The following SLC2A12 variants were observed in gnomAD, a reference collection of about 807,000 sequenced individuals.
The protein encoded by SLC2A12 is solute carrier family 2 member 12.
Under a neutral mutation model 41.8 loss-of-function variants are expected in SLC2A12, and 23 were observed. The ratio of observed to expected loss-of-function variants is 0.55; its 90% CI spans 0.40 to 0.78. SLC2A12 has a LOEUF of 0.78. SLC2A12 is among the 30% of genes least tolerant of loss of function. The pLI is 0.00. For synonymous variants in SLC2A12, 295 were observed against 285.9 expected (o/e 1.03, Z -0.32); for missense variants, 654 against 745.6 (o/e 0.88, Z 1.43).
intron 4 of SLC2A12, among the ~76,000 whole-genome samples, chr6:133,992,191 GTGA>G (rs1189282252): frequency 1.2e-4 from 19 of 152,256 alleles, no homozygotes; most frequent in African/African-American, 4.6e-4. Context: ...GCGTGTGTGC[GTGA>G]TGATAATCCC....
intron 2 of SLC2A12, among the ~76,000 whole-genome samples, chr6:134,017,819 A>G (rs1454995897): frequency 2.0e-5 from 3 of 150,824 alleles, no homozygotes. Flanking sequence ...GCGCCACTGC[A>G]CTCCATCCAG....
chr6:134,028,356 A>G lies in SLC2A12; in HGVS notation c.1444+25T>C, dbSNP rs370935644. On this transcript the variant is annotated intron_variant, in intron 2 of 4. Transcript: ENST00000275230. ...AGGATGCTCTGACTGGTCAAAAGCA[A>G]TACATTAAAGAATAAAGTACTTACT... is the stretch of plus-strand genomic sequence containing the variant. 33 of 1,571,328 alleles carry G rather than the reference A, an allele frequency of 2.1e-5. No individual in the cohort carries two copies. In the African/African-American group the frequency reaches 3.7e-4, roughly 17 times the overall value.
chr6:134,047,995 C>T (rs1001994311), intron 1 of SLC2A12, among the ~76,000 whole-genome samples: 1 of 152,214 alleles, frequency 6.6e-6, no homozygotes, highest in Non-Finnish European at 1.5e-5. Context: ...CTGGGTGACA[C>T]ATCCTTAGAG....
intron 1 of SLC2A12, among the ~76,000 whole-genome samples, chr6:134,044,318 G>A (rs531736750): frequency 3.9e-4 from 60 of 152,290 alleles, no homozygotes; most frequent in Admixed American, 9.2e-4. Context: ...TCCAGGGTCT[G>A]GCATCATATC....
chr6:134,018,032 G>T (rs148788862), intron 2 of SLC2A12, among the ~76,000 whole-genome samples: 31 of 152,050 alleles, frequency 2.0e-4, no homozygotes, highest in African/African-American at 7.0e-4. Flanking sequence ...GCCACAATCC[G>T]GTCTCTGTGG....
At chr6:134,011,199 C>T (rs1776877277) in intron 2 of SLC2A12, among the ~76,000 whole-genome samples, 1 of 152,178 alleles carries the variant, frequency 6.6e-6, no homozygotes, top group East Asian at 1.9e-4. Flanking sequence ...GTAAGCGGCA[C>T]ACCTACCTCT....
In SLC2A12 at chr6:133,990,996, G is replaced by A; in HGVS notation, c.*159C>T. ...TACCTTTTGAGGTTCCTTCTGGGGAGGAGGGGGATTAAAGGCTGTCTTTAT... is the reference window on the plus strand; with the variant it reads ...TACCTTTTGAGGTTCCTTCTGGGGAAGAGGGGGATTAAAGGCTGTCTTTAT... On this transcript the variant is annotated 3_prime_UTR_variant, in exon 5 of 5. Coordinates refer to ENST00000275230, the MANE Select transcript of SLC2A12 (RefSeq NM_145176.3). The A allele has an allele frequency of 2.6e-6, 2 of 777,198 alleles. No individual in the cohort carries two copies. The highest frequency in any genetic ancestry group is 5.2e-5 in the South Asian group (2 of 38,820). The allele number at this position is 777,198 out of a possible 1,614,324, so 48.1% of individuals were successfully genotyped here.
Position 133,991,328 on chromosome 6 carries a change from T to G in SLC2A12, c.1701-20A>C, listed in dbSNP as rs1776620871. 9 of 1,606,790 alleles carry G rather than the reference T, an allele frequency of 5.6e-6. No homozygotes were observed. Among genetic ancestry groups the G allele is most frequent in the Non-Finnish European group, 7.6e-6 (9 of 1,177,728 alleles). On this transcript the variant is annotated intron_variant, in intron 4 of 4. Transcript: ENST00000275230. ...TAGTTCCTGAAAGAGAAAGAGGCAC[T>G]AATGAAAATGTCATTCTTAGTTTAC... is the stretch of plus-strand genomic sequence containing the variant.
At chr6:133,991,331 T>C in intron 4 of SLC2A12, 23 bp from the exon 5 acceptor site, 1 of 1,606,136 alleles carries the variant, frequency 6.2e-7, no homozygotes, top group East Asian at 2.2e-5. Context: ...GAGGCACTAA[T>C]GAAAATGTCA....
In SLC2A12 at chr6:134,029,306, C is replaced by A. The variant is rs1392432416; in HGVS notation, c.519G>T (p.Leu173=). The change falls in exon 2 of 5, where the codon CTG becomes CTT. Residue 173 remains leucine, a synonymous_variant. Coordinates refer to ENST00000275230, the MANE Select transcript of SLC2A12 (RefSeq NM_145176.3). ...RRGLLVSLNE[L]MIVIGILSAY... ...CAGAAAGAATGCCGATGACAATCAT[C>A]AGCTCATTCAGTGACACAAGAAGGC... The A allele has an allele frequency of 6.2e-7, 1 of 1,614,224 alleles. No homozygotes were observed. Among genetic ancestry groups the A allele is most frequent in the Admixed American group, 1.7e-5 (1 of 60,020 alleles).
chr6:134,042,100 AC>A (rs1457414762), intron 1 of SLC2A12, among the ~76,000 whole-genome samples: 1 of 152,244 alleles, frequency 6.6e-6, no homozygotes, highest in Admixed American at 6.5e-5. Flanking sequence ...GCTAGTGAGT[AC>A]ATAGCAACTT....
chr6:134,042,551 A>G (rs528637551), intron 1 of SLC2A12, among the ~76,000 whole-genome samples: 1 of 152,122 alleles, frequency 6.6e-6, no homozygotes, highest in East Asian at 1.9e-4. Context: ...GAAATAGAAA[A>G]AAAAAAAAAG....
chr6:134,029,017 G>A lies in SLC2A12; in HGVS notation c.808C>T (p.Arg270Cys), dbSNP rs779184200. The A allele has an allele frequency of 2.5e-5, 40 of 1,614,050 alleles. No homozygotes were observed. Among genetic ancestry groups the A allele is most frequent in the Middle Eastern group, 1.6e-4 (1 of 6,084 alleles). Residue 270 changes from arginine to cysteine, a missense_variant, in exon 2 of 5, where the codon CGT (arginine) becomes TGT (cysteine). Coordinates refer to ENST00000275230, the MANE Select transcript of SLC2A12 (RefSeq NM_145176.3). Reference sequence around the variant, plus strand: ...CGGGTCCGCATGTTGTCTTTTGAACGAAACAGATCCCAAAAACTGTACTGA... The same window carrying A: ...CGGGTCCGCATGTTGTCTTTTGAACAAAACAGATCCCAAAAACTGTACTGA... ...EYQYSFWDLF[R>C]SKDNMRTRIM...
At position 134,028,982 on chromosome 6, in the gene SLC2A12, T is replaced by C; in HGVS notation, c.843A>G (p.Ile281Met). 3 of 1,614,250 alleles carry C rather than the reference T, an allele frequency of 1.9e-6. No individual in the cohort carries two copies. Among genetic ancestry groups the C allele is most frequent in the Non-Finnish European group, 2.5e-6 (3 of 1,180,042 alleles). The change falls in exon 2 of 5, where the codon ATA (isoleucine) becomes ATG (methionine). Residue 281 changes from isoleucine to methionine, a missense_variant. Coordinates refer to ENST00000275230, the MANE Select transcript of SLC2A12 (RefSeq NM_145176.3). ...GTACAAAAAATACTAGTGTTAGTCC[T>C]ATCATTATTCGGGTCCGCATGTTGT... ...SKDNMRTRIM[I>M]GLTLVFFVQI...
At chr6:134,037,496 A>T (rs971713807) in intron 1 of SLC2A12, among the ~76,000 whole-genome samples, 1 of 151,952 alleles carries the variant, frequency 6.6e-6, no homozygotes, top group African/African-American at 2.4e-5. Context: ...CTGGGACTAT[A>T]GGCGTGCACC....
chr6:133,997,083 T>TA (rs1776704822), intron 4 of SLC2A12, among the ~76,000 whole-genome samples: 1 of 12,914 alleles, frequency 7.7e-5, no homozygotes, highest in Non-Finnish European at 1.5e-4. Context: ...CTACTAAAAA[T>TA]ACAAAAAAAA....
chr6:134,019,447 A>C (rs1777011986), intron 2 of SLC2A12, among the ~76,000 whole-genome samples: 1 of 152,262 alleles, frequency 6.6e-6, no homozygotes, highest in Non-Finnish European at 1.5e-5. Context: ...TGTTAGAAAA[A>C]TTCTGTTATT....
At position 133,987,646 on chromosome 6, in the gene SLC2A12, G is replaced by GTATATATATATATATA. The variant is rs1165164380; in HGVS notation, c.*3508_*3509insTATATATATATATATA. 16 of 133,204 alleles carry GTATATATATATATATA rather than the reference G, an allele frequency of 1.2e-4. No individual in the cohort carries two copies. Among genetic ancestry groups the GTATATATATATATATA allele is most frequent in the African/African-American group, 4.4e-4 (16 of 36,106 alleles). 8.3% of individuals were successfully genotyped at this position (133,204 alleles called of 1,614,324 possible). A position where few individuals can be genotyped will look rare whatever the true frequency, so the allele number is the denominator to read the frequency against. On this transcript the variant is annotated 3_prime_UTR_variant, in exon 5 of 5. Coordinates refer to ENST00000275230, the MANE Select transcript of SLC2A12 (RefSeq NM_145176.3). ...ATTTTGTGTGTGTGTGTGTGTGTGT[G>GTATATATATATATATA]TGTATATATATATATATATATGCAC...
At chr6:134,049,682 TTTGAGTCATAGCTTA>T (rs1453139534) in intron 1 of SLC2A12, among the ~76,000 whole-genome samples, 5 of 152,202 alleles carry the variant, frequency 3.3e-5, no homozygotes, top group African/African-American at 1.2e-4. Flanking sequence ...ATGTAACCAC[TTTGAGTCATAGCTTA>T]TTGAAAATGA....
Sources: allele counts gnomAD v4.1 joint callset (sites outside exome capture counted in the v4.1 genomes callset), GRCh38; gene constraint gnomAD v4.1.1; transcripts MANE v1.5; gene names NCBI Gene and HGNC (gene_info 2026-07-23, HGNC 2026-07-21).